The following ROBO2 variants were observed in gnomAD, a reference collection of about 807,000 sequenced individuals.
ROBO2 encodes the protein roundabout homolog 2.
ROBO2 carries 53 observed loss-of-function variants against 160.8 expected under a neutral mutation model. That is an observed-to-expected ratio of 0.33 (90% CI 0.26 to 0.41). The LOEUF is 0.41. ROBO2 is among the 10% of genes least tolerant of loss of function. The probability of loss-of-function intolerance (pLI) is 1.00; values close to 1 mark genes in which losing one functional copy is unlikely to be tolerated. For synonymous variants in ROBO2, 664 were observed against 611.7 expected, an observed-to-expected ratio of 1.09 and a Z score of -1.26; for missense variants, 1,577 against 1,722.4, an observed-to-expected ratio of 0.92 and a Z score of 1.49.
intron 2 of ROBO2, among the ~76,000 whole-genome samples, chr3:77,235,164 C>T (rs1357253682): frequency 3.3e-5 from 5 of 152,014 alleles, no homozygotes; most frequent in Non-Finnish European, 5.9e-5. Context: ...TGGTGATAAA[C>T]AATATTCGAT....
At chr3:76,351,877 G>A (rs1274283680) in intron 2 of ROBO2, among the ~76,000 whole-genome samples, 3 of 151,938 alleles carry the variant, frequency 2.0e-5, no homozygotes, top group Non-Finnish European at 4.4e-5. Context: ...CAACCCTATA[G>A]TATTGTTGTG....
intron 2 of ROBO2, among the ~76,000 whole-genome samples, chr3:76,455,031 A>C (rs2077678325): frequency 6.6e-6 from 1 of 152,132 alleles, no homozygotes; most frequent in Non-Finnish European, 1.5e-5. Context: ...ACTAGGTAAA[A>C]TAAAGTTAAA....
intron 1 of ROBO2, among the ~76,000 whole-genome samples, chr3:77,076,778 G>C (rs1379736473): frequency 2.6e-5 from 4 of 152,028 alleles, no homozygotes; most frequent in African/African-American, 9.7e-5. Flanking sequence ...CTATAAGCTT[G>C]GCCTTACAGA....
At chr3:76,321,384 G>A (rs144912860) in intron 2 of ROBO2, among the ~76,000 whole-genome samples, 6,277 of 152,018 alleles carry the variant, frequency 0.041, 367 homozygotes, top group African/African-American at 0.12. Context: ...GCGTGGTGGC[G>A]CGCCACTGCT....
chr3:76,617,887 C>A (rs1277229342), intron 2 of ROBO2, among the ~76,000 whole-genome samples: 2 of 151,512 alleles, frequency 1.3e-5, no homozygotes, highest in Admixed American at 1.3e-4. Context: ...GGAGGAAATG[C>A]CCCTTATAAA....
intron 2 of ROBO2, among the ~76,000 whole-genome samples, chr3:76,236,387 T>C (rs775515930): frequency 6.6e-5 from 10 of 152,116 alleles, no homozygotes; most frequent in Admixed American, 2.0e-4. Flanking sequence ...TGTATAAAAA[T>C]GTATCTCTAA....
intron 2 of ROBO2, among the ~76,000 whole-genome samples, chr3:76,627,740 G>T (rs992759698): frequency 1.3e-5 from 2 of 152,188 alleles, no homozygotes; most frequent in African/African-American, 4.8e-5. Flanking sequence ...TGTAATAGGA[G>T]TTCAATGTAT....
intron 2 of ROBO2, among the ~76,000 whole-genome samples, chr3:76,702,730 A>C (rs2608136): frequency 0.093 from 14,169 of 152,070 alleles, 911 homozygotes; most frequent in Middle Eastern, 0.18. Flanking sequence ...GAGTCAATGG[A>C]AGCAATAAAG....
intron 2 of ROBO2, among the ~76,000 whole-genome samples, chr3:77,448,443 G>T (rs2153560005): frequency 6.6e-6 from 1 of 152,240 alleles, no homozygotes; most frequent in Middle Eastern, 3.4e-3. Context: ...ATCAAGAGAA[G>T]AACCATTCGG....
intron 2 of ROBO2, among the ~76,000 whole-genome samples, chr3:77,144,079 T>C (rs2076936668): frequency 1.3e-5 from 2 of 152,228 alleles, no homozygotes. Flanking sequence ...CCTTTCCTTT[T>C]GTAATTCCTA....
At chr3:75,924,449 T>G (rs1313096073) in intron 1 of ROBO2, among the ~76,000 whole-genome samples, 1 of 152,050 alleles carries the variant, frequency 6.6e-6, no homozygotes, top group Non-Finnish European at 1.5e-5. Context: ...CCCTGGAATC[T>G]CCTGACAAAA....
intron 2 of ROBO2, among the ~76,000 whole-genome samples, chr3:76,935,190 C>G (rs2077618426): frequency 6.6e-6 from 1 of 152,070 alleles, no homozygotes; most frequent in African/African-American, 2.4e-5. Context: ...TGGACACAAA[C>G]TATCCACCCA....
Position 76,059,592 on chromosome 3 carries a change from C to G in ROBO2, c.109+121990C>G, listed in dbSNP as rs552435374. 5.3e-5 allele frequency among the ~76,000 whole-genome samples: 8 copies of G among 152,142 alleles called. No homozygotes were observed. In the South Asian group the frequency reaches 1.2e-3, roughly 24 times the overall value. ...TAGGTAGCAAAAATTTTCTCCCATT[C>G]TGTAAGTTGCCTGTTCACTCTGATG... On this transcript the variant is annotated intron_variant, in intron 2 of 26. Coordinates refer to the ROBO2 transcript ENST00000487694.
chr3:77,465,265 G>A (rs936906058), intron 2 of ROBO2, among the ~76,000 whole-genome samples: 1 of 152,154 alleles, frequency 6.6e-6, no homozygotes, highest in African/African-American at 2.4e-5. Flanking sequence ...AGGTTTCGTA[G>A]ACTTTCTGGT....
chr3:77,586,480 A>T (rs1326571412), intron 16 of ROBO2, among the ~76,000 whole-genome samples: 1 of 152,142 alleles, frequency 6.6e-6, no homozygotes, highest in African/African-American at 2.4e-5. Context: ...TGGGATGAAG[A>T]CATTATATTT....
At chr3:76,857,523 G>GT (rs748167228) in intron 2 of ROBO2, among the ~76,000 whole-genome samples, 102 of 152,242 alleles carry the variant, frequency 6.7e-4, no homozygotes, top group Admixed American at 2.6e-4. Flanking sequence ...CGATTTGTGT[G>GT]TTTTTTCGAA....
chr3:77,164,763 G>T (rs2078869393), intron 2 of ROBO2, among the ~76,000 whole-genome samples: 1 of 41,782 alleles, frequency 2.4e-5, no homozygotes, highest in Non-Finnish European at 9.1e-5. Flanking sequence ...GGGAAGTGGG[G>T]GGGTCAGACC....
At chr3:76,885,925 T>C (rs999698459) in intron 2 of ROBO2, among the ~76,000 whole-genome samples, 1 of 152,112 alleles carries the variant, frequency 6.6e-6, no homozygotes, top group Admixed American at 6.5e-5. Context: ...TGAAAGTGTG[T>C]GTTGGCAGGT....
intron 2 of ROBO2, among the ~76,000 whole-genome samples, chr3:75,994,566 G>A (rs1479930859): frequency 6.6e-6 from 1 of 152,158 alleles, no homozygotes; most frequent in Non-Finnish European, 1.5e-5. Flanking sequence ...CACCATGATT[G>A]TAAGTTTCCT....
Sources: gnomAD v4.1 joint callset for allele counts (sites outside exome capture counted in the v4.1 genomes callset) on GRCh38, gnomAD v4.1.1 for gene constraint, MANE v1.5 for transcripts, NCBI Gene and HGNC (gene_info 2026-07-23, HGNC 2026-07-21) for gene names.